ITPR1: variants seen among roughly 807,000 people sequenced by gnomAD.
ITPR1 encodes the protein inositol 1,4,5-trisphosphate receptor type 1.
A neutral mutation model predicts 318.4 loss-of-function variants in ITPR1; 96 were observed. The ratio of observed to expected loss-of-function variants is 0.30; its 90% confidence interval spans 0.26 to 0.36. The LOEUF is 0.36. Ranked by LOEUF, ITPR1 falls within the 10% of genes least tolerant of loss-of-function variation. The probability of loss-of-function intolerance (pLI) is 1.00; values close to 1 mark genes in which losing one functional copy is unlikely to be tolerated. For synonymous variants in ITPR1, 1,312 were observed against 1,289.9 expected (o/e 1.02, Z -0.37); for missense variants, 2,440 against 3,460.2 (o/e 0.71, Z 7.40).
In ITPR1 at chr3:4,765,783, GT is replaced by G. The variant is rs1406699516; in HGVS notation, c.5545-742del. ...AAATGAAGTTGAGACACCATATTGTGTTTTTCCATCAACAGTGTATACTATT... is the reference window on the plus strand; with the variant it reads ...AAATGAAGTTGAGACACCATATTGTGTTTTCCATCAACAGTGTATACTATT... On this transcript the variant is annotated intron_variant, in intron 44 of 61. Transcript: ENST00000649015. 5.3e-5 allele frequency among the ~76,000 whole-genome samples: 8 copies of G among 152,160 alleles called. No homozygotes were observed. In the East Asian group the frequency reaches 9.6e-4, roughly 18 times the overall value.
chr3:4,586,231 T>C (rs1484279456), intron 4 of ITPR1, among the ~76,000 whole-genome samples: 1 of 152,210 alleles, frequency 6.6e-6, no homozygotes, highest in Non-Finnish European at 1.5e-5. Context: ...TAAACATACA[T>C]GGTAACATGC....
chr3:4,705,810 G>A (rs2094744610), intron 36 of ITPR1, among the ~76,000 whole-genome samples: 1 of 152,128 alleles, frequency 6.6e-6, no homozygotes, highest in South Asian at 2.1e-4. Flanking sequence ...ATGATTCATT[G>A]GCCAAACGAG....
rs187193163 is a variant in ITPR1, at chr3:4,589,048, G to A, written c.164-38715G>A. Among the ~76,000 whole-genome samples, 12 of 152,224 alleles carry A rather than the reference G, an allele frequency of 7.9e-5. No individual in the cohort carries two copies. In the East Asian group the frequency reaches 2.1e-3, roughly 27 times the overall value. On this transcript the variant is annotated intron_variant, in intron 4 of 61. Transcript: ENST00000649015. ...ATAGCAAGAAATTTATTTCAGCTGG[G>A]CATGGTGGCGTGCACCTGTGCTCCC...
chr3:4,753,706 A>T (rs899077334), intron 44 of ITPR1, among the ~76,000 whole-genome samples: 1 of 152,122 alleles, frequency 6.6e-6, no homozygotes, highest in Non-Finnish European at 1.5e-5. Context: ...CCTTGCCTCC[A>T]TCCGGCCTGA....
intron 2 of ITPR1, among the ~76,000 whole-genome samples, chr3:4,503,243 A>T (rs750598921): frequency 1.3e-5 from 2 of 152,092 alleles, no homozygotes; most frequent in African/African-American, 2.4e-5. Context: ...CATAAAAGGG[A>T]GTGGAAAAAT....
At chr3:4,840,517 C>T (rs1317081349) in intron 61 of ITPR1, among the ~76,000 whole-genome samples, 4 of 152,054 alleles carry the variant, frequency 2.6e-5, no homozygotes, top group Admixed American at 6.5e-5. Flanking sequence ...CCAGCAGACT[C>T]GAGCAACGAT....
chr3:4,568,118 A>AT lies in ITPR1; in HGVS notation c.163+47029dup, dbSNP rs2087567941. On this transcript the variant is annotated intron_variant, in intron 4 of 61. Coordinates refer to ENST00000649015, the MANE Select transcript of ITPR1 (RefSeq NM_001378452.1). ...AAGAGAAGGAGATTAAGAGTCTGTG[A>AT]TTTTTACATAGTTGGGCCCTGGAGG... Among the ~76,000 whole-genome samples, 3 of 152,252 alleles carry AT rather than the reference A, an allele frequency of 2.0e-5. No individual in the cohort carries two copies. The South Asian group carries it at 6.2e-4, about 32-fold the overall frequency.
chr3:4,739,643 G>A (rs572391830), intron 44 of ITPR1, among the ~76,000 whole-genome samples: 6 of 152,292 alleles, frequency 3.9e-5, no homozygotes, highest in South Asian at 4.1e-4. Flanking sequence ...CCTCTTGTCC[G>A]TCCCACCTCC....
chr3:4,725,176 G>T (rs777667653), intron 40 of ITPR1, among the ~76,000 whole-genome samples: 4 of 151,952 alleles, frequency 2.6e-5, no homozygotes, highest in African/African-American at 9.7e-5. Context: ...CCGTGGACAC[G>T]CATACTATTG....
intron 4 of ITPR1, among the ~76,000 whole-genome samples, chr3:4,608,000 T>C (rs2091823604): frequency 6.6e-6 from 1 of 152,132 alleles, no homozygotes; most frequent in Non-Finnish European, 1.5e-5. Context: ...TACAAAGGGT[T>C]GAGTTTTGGG....
intron 4 of ITPR1, among the ~76,000 whole-genome samples, chr3:4,624,221 A>G (rs543912253): frequency 2.6e-5 from 4 of 152,356 alleles, no homozygotes; most frequent in East Asian, 3.9e-4. Context: ...ATAGCTTACT[A>G]TTGGTGAAAA....
At chr3:4,765,909 T>C (rs968626386) in intron 44 of ITPR1, among the ~76,000 whole-genome samples, 7 of 152,244 alleles carry the variant, frequency 4.6e-5, no homozygotes, top group African/African-American at 1.7e-4. Flanking sequence ...CTTTGAAGCC[T>C]GATTTGAAGA....
chr3:4,721,107 G>GATAT (rs138660344), intron 40 of ITPR1, among the ~76,000 whole-genome samples: 1 of 141,002 alleles, frequency 7.1e-6, no homozygotes, highest in African/African-American at 2.7e-5. Context: ...TCAGTGGAGG[G>GATAT]ATATATATAT....
intron 4 of ITPR1, among the ~76,000 whole-genome samples, chr3:4,591,190 T>C (rs1260035974): frequency 2.6e-5 from 4 of 152,210 alleles, no homozygotes; most frequent in East Asian, 3.8e-4. Flanking sequence ...GTGAACATAA[T>C]TGTGCATGTG....
intron 13 of ITPR1, among the ~76,000 whole-genome samples, chr3:4,660,415 C>A (rs893466918): frequency 2.0e-5 from 3 of 149,838 alleles, no homozygotes; most frequent in African/African-American, 7.4e-5. Context: ...TTTTTTTCAA[C>A]TTTGTTTATG....
At chr3:4,769,659 A>G (rs1338760403) in intron 46 of ITPR1, among the ~76,000 whole-genome samples, 1 of 152,222 alleles carries the variant, frequency 6.6e-6, no homozygotes, top group African/African-American at 2.4e-5. Flanking sequence ...AGTGTTGCTT[A>G]TATGATTATA....
intron 39 of ITPR1, 42 bp from the exon 40 acceptor site, chr3:4,717,325 C>T (rs1332913286): frequency 6.5e-7 from 1 of 1,533,010 alleles, no homozygotes; most frequent in Non-Finnish European, 8.9e-7. Flanking sequence ...ATTTCCTTTC[C>T]TAACATTTCC....
At position 4,656,404 on chromosome 3, in the gene ITPR1, A is replaced by C. The variant is rs182197497; in HGVS notation, c.997-1720A>C. ...GGTTCGGAGAGAACAAATGTTGCTC[A>C]AAGTTCTTACTCCTAAACTGCAGTT... On this transcript the variant is annotated intron_variant, in intron 12 of 61. Transcript: ENST00000649015. 5.9e-5 allele frequency among the ~76,000 whole-genome samples: 9 copies of C among 152,330 alleles called. No individual in the cohort carries two copies. The East Asian group carries it at 1.5e-3, about 26-fold the overall frequency.
intron 21 of ITPR1, 38 bp from the exon 22 acceptor site, chr3:4,674,164 T>G (rs1293715286): frequency 1.3e-6 from 2 of 1,525,410 alleles, no homozygotes; most frequent in Non-Finnish European, 8.8e-7. Flanking sequence ...TGGGAATAAC[T>G]TGAAATTTTG....
Sources: allele counts gnomAD v4.1 joint callset (sites outside exome capture counted in the v4.1 genomes callset), GRCh38; gene constraint gnomAD v4.1.1; transcripts MANE v1.5; gene names NCBI Gene and HGNC (gene_info 2026-07-23, HGNC 2026-07-21).